The following KCNS3 variants were observed in gnomAD, a reference collection of about 807,000 sequenced individuals.
KCNS3 encodes delayed-rectifier potassium channel regulatory subunit KCNS3.
KCNS3 carries 13 observed loss-of-function variants against 31.0 expected under a neutral mutation model. The ratio of observed to expected loss-of-function variants is 0.42; its 90% CI spans 0.27 to 0.67. KCNS3 has a LOEUF of 0.67. Among genes scored for constraint, KCNS3 ranks in the 30% least tolerant of loss-of-function variants. KCNS3 has a pLI of 0.25. For missense variants in KCNS3, 545 were observed against 622.4 expected (o/e 0.88, Z 1.32); for synonymous variants, 238 against 241.5 (o/e 0.99, Z 0.13).
intron 1 of KCNS3, among the ~76,000 whole-genome samples, chr2:17,898,360 T>G (rs905568685): frequency 6.6e-6 from 1 of 152,054 alleles, no homozygotes; most frequent in Admixed American, 6.6e-5. Context: ...AATAGTTTGA[T>G]AGGAATAGCA....
At chr2:17,904,802 C>G (rs955865382) in intron 1 of KCNS3, among the ~76,000 whole-genome samples, 1 of 152,140 alleles carries the variant, frequency 6.6e-6, no homozygotes, top group African/African-American at 2.4e-5. Flanking sequence ...GGGCTCTGTT[C>G]TGTTCCATTG....
chr2:17,895,598 G>A (rs1198182531), intron 1 of KCNS3, among the ~76,000 whole-genome samples: 3 of 152,242 alleles, frequency 2.0e-5, no homozygotes, highest in East Asian at 1.9e-4. Context: ...CATCTCCCAC[G>A]TGTTTACTGT....
At position 17,913,853 on chromosome 2, in the gene KCNS3, G is replaced by C. The variant is rs182195491; in HGVS notation, c.-251-3827G>C. ...GTGATGGGTGGGTGGTGTACAAGTG[G>C]CATCTAGTAGATGAAGGCTAGGGGT... is the stretch of plus-strand genomic sequence containing the variant. On this transcript the variant is annotated intron_variant, in intron 1 of 2. Coordinates refer to ENST00000304101, the MANE Select transcript of KCNS3 (RefSeq NM_002252.5). Among the ~76,000 whole-genome samples, 696 of 152,260 alleles carry C rather than the reference G, an allele frequency of 4.6e-3. 4 individuals are homozygous for C. Among genetic ancestry groups the C allele is most frequent in the Admixed American group, 0.018 (276 of 15,298 alleles).
chr2:17,921,263 T>C (rs1662697136), intron 2 of KCNS3, among the ~76,000 whole-genome samples: 1 of 152,220 alleles, frequency 6.6e-6, no homozygotes, highest in Admixed American at 6.5e-5. Context: ...TTTGTGCCTA[T>C]CCATGACCCG....
intron 1 of KCNS3, among the ~76,000 whole-genome samples, chr2:17,909,274 C>G (rs995304963): frequency 2.6e-5 from 4 of 152,170 alleles, no homozygotes; most frequent in Non-Finnish European, 4.4e-5. Flanking sequence ...GGGATATAAT[C>G]TCCTGGTGTG....
chr2:17,915,513 T>C (rs1442737237), intron 1 of KCNS3, among the ~76,000 whole-genome samples: 1 of 152,106 alleles, frequency 6.6e-6, no homozygotes, highest in African/African-American at 2.4e-5. Flanking sequence ...TTTTCCACAC[T>C]AATTGAACTC....
At chr2:17,913,715 G>T (rs1662523518) in intron 1 of KCNS3, among the ~76,000 whole-genome samples, 2 of 152,156 alleles carry the variant, frequency 1.3e-5, no homozygotes, top group South Asian at 4.1e-4. Flanking sequence ...TCCCAAACAG[G>T]TGCCTGAGGT....
At chr2:17,921,915 G>GTGTGTATA (rs375189924) in intron 2 of KCNS3, among the ~76,000 whole-genome samples, 2 of 32,808 alleles carry the variant, frequency 6.1e-5, no homozygotes, top group Non-Finnish European at 1.1e-4. Flanking sequence ...GTGTGTGTGT[G>GTGTGTATA]TATATATATA....
Position 17,884,268 on chromosome 2 carries a change from AATATATATATATAT to A in KCNS3, c.-252+5485_-252+5498del, listed in dbSNP as rs1227638443. On this transcript the variant is annotated intron_variant, in intron 1 of 2. Transcript: ENST00000304101. ...CTTAAAGTATAATTAAAAAAAAAAA[AATATATATATATAT>A]ATATATATATATATATATATATTTA... Among the ~76,000 whole-genome samples the A allele has an allele frequency of 3.0e-3, 138 of 46,680 alleles. 2 individuals are homozygous for A. The highest frequency in any genetic ancestry group is 0.01 in the African/African-American group (130 of 12,790). 30.6% of individuals were successfully genotyped at this position (46,680 alleles called of 152,430 possible). A position where few individuals can be genotyped will look rare whatever the true frequency, so the allele number is the denominator to read the frequency against.
At chr2:17,905,387 A>G (rs1225851374) in intron 1 of KCNS3, among the ~76,000 whole-genome samples, 46 of 152,342 alleles carry the variant, frequency 3.0e-4, no homozygotes, top group Admixed American at 2.2e-3. Context: ...TTCTAAATAT[A>G]CAATCATGTC....
chr2:17,915,818 C>G (rs758032004), intron 1 of KCNS3, among the ~76,000 whole-genome samples: 2 of 152,146 alleles, frequency 1.3e-5, no homozygotes, highest in Non-Finnish European at 2.9e-5. Flanking sequence ...TCTGGTATTA[C>G]ATCTTGTCTG....
chr2:17,929,501 C>T (rs1235468909), intron 2 of KCNS3, among the ~76,000 whole-genome samples: 1 of 152,192 alleles, frequency 6.6e-6, no homozygotes, highest in East Asian at 1.9e-4. Flanking sequence ...TAGAAACCAC[C>T]CCCATGATCC....
At chr2:17,930,304 A>G (rs1431670602) in intron 2 of KCNS3, among the ~76,000 whole-genome samples, 3 of 152,198 alleles carry the variant, frequency 2.0e-5, no homozygotes, top group Non-Finnish European at 2.9e-5. Context: ...AAGTGTAATG[A>G]TATCTTTAAG....
chr2:17,888,629 GTATA>G (rs70964021), intron 1 of KCNS3, among the ~76,000 whole-genome samples: 5,241 of 91,866 alleles, frequency 0.057, 216 homozygotes, highest in African/African-American at 0.1. Flanking sequence ...TAAAAAAAAT[GTATA>G]TATATATATA....
intron 1 of KCNS3, among the ~76,000 whole-genome samples, chr2:17,908,331 C>T (rs889766623): frequency 1.5e-4 from 23 of 152,224 alleles, no homozygotes; most frequent in Non-Finnish European, 2.9e-4. Flanking sequence ...AAGGACTTCT[C>T]TACCCCGATT....
At chr2:17,883,743 A>AGATCAAGCTG (rs1674695026) in intron 1 of KCNS3, among the ~76,000 whole-genome samples, 1 of 152,196 alleles carries the variant, frequency 6.6e-6, no homozygotes, top group African/African-American at 2.4e-5. Context: ...GGCTGGGGTC[A>AGATCAAGCTG]TCCCATTACT....
chr2:17,884,268 A>AATATATATATATAT (rs1227638443), intron 1 of KCNS3, among the ~76,000 whole-genome samples: 54 of 46,612 alleles, frequency 1.2e-3, no homozygotes, highest in Non-Finnish European at 1.6e-3. Context: ...AAAAAAAAAA[A>AATATATATATATAT]ATATATATAT....
At chr2:17,910,751 G>A (rs6747325) in intron 1 of KCNS3, among the ~76,000 whole-genome samples, 32,609 of 151,882 alleles carry the variant, frequency 0.21, 4,015 homozygotes, top group East Asian at 0.46. Context: ...TTTTGTAGCC[G>A]CAGATTCTCT....
chr2:17,931,556 C>G lies in KCNS3; in HGVS notation c.548C>G (p.Ser183Cys). 14 of 1,614,188 alleles carry G rather than the reference C, an allele frequency of 8.7e-6. No individual in the cohort carries two copies. The highest frequency in any genetic ancestry group is 1.2e-5 in the Non-Finnish European group (14 of 1,180,018). The change falls in exon 3 of 3, where the codon TCC becomes TGC. Residue 183 changes from serine (S) to cysteine (C), a missense_variant. Ser to Cys is a moderately radical substitution (Grantham distance 112). Transcript: ENST00000304101. This position sits in a 1 kb window ranked among gnomAD's most constrained non-coding sequence, Gnocchi z 5.4. ...ATGGAGAATCCAGCGTACTGCCTGT[C>G]CGCTAAGCTTATCGCTATCTCCTCC... ...IRMENPAYCLSAKLIAISSLS... is the reference protein window; with the variant it reads ...IRMENPAYCLCAKLIAISSLS...
Sources: gnomAD v4.1 joint callset for allele counts (sites outside exome capture counted in the v4.1 genomes callset) on GRCh38, gnomAD v4.1.1 for gene constraint, Gnocchi (gnomAD v3.1) non-coding constraint, MANE v1.5 for transcripts, NCBI Gene and HGNC (gene_info 2026-07-23, HGNC 2026-07-21) for gene names.